RPS6KA1: variants seen among roughly 807,000 people sequenced by gnomAD.
RPS6KA1 encodes the protein ribosomal protein S6 kinase alpha-1.
Under a neutral mutation model 91.3 loss-of-function variants are expected in RPS6KA1, and 48 were observed. That is an observed-to-expected ratio of 0.53 (90% confidence interval 0.42 to 0.67). The LOEUF is 0.67. RPS6KA1 is among the 30% of genes least tolerant of loss of function. The pLI is 0.00. For synonymous variants in RPS6KA1, 359 were observed against 384.7 expected, an observed-to-expected ratio of 0.93 and a Z score of 0.78; for missense variants, 719 against 960.5, an observed-to-expected ratio of 0.75 and a Z score of 3.32.
Position 26,546,848 on chromosome 1 carries a change from A to C in RPS6KA1, c.109-19A>C, listed in dbSNP as rs747274596. On this transcript the variant is annotated intron_variant, in intron 2 of 21. Transcript: ENST00000374168. ...CTGGATGGGGCCCACCATGCCCACC[A>C]GCTCTGTCCCTCCATCAGGATGAGG... 1.0e-5 allele frequency: 16 copies of C among 1,604,800 alleles called. No individual in the cohort carries two copies. Among genetic ancestry groups the C allele is most frequent in the Non-Finnish European group, 3.4e-6 (4 of 1,171,944 alleles).
Position 26,538,884 on chromosome 1 carries a change from G to C in RPS6KA1, c.108+1915G>C, listed in dbSNP as rs554785615. On this transcript the variant is annotated intron_variant, in intron 2 of 21. Coordinates refer to ENST00000374168, the MANE Select transcript of RPS6KA1 (RefSeq NM_002953.4). The stretch of plus-strand genomic sequence containing the variant: ...ACTTCTGGGCTTAATACACCAGGGG[G>C]CGCTCAACCTGTGGTCCGGACCTCA... 3.5e-4 allele frequency among the ~76,000 whole-genome samples: 53 copies of C among 152,296 alleles called. 1 individual carries two copies. In the South Asian group the frequency reaches 7.5e-3, roughly 21 times the overall value.
At position 26,551,408 on chromosome 1, in the gene RPS6KA1, G is replaced by A. The variant is rs752945119; in HGVS notation, c.319G>A (p.Val107Ile). 3.3e-5 allele frequency: 53 copies of A among 1,614,000 alleles called. No individual in the cohort carries two copies. Among genetic ancestry groups the A allele is most frequent in the South Asian group, 5.5e-5 (5 of 91,090 alleles). ...KKATLKVRDR[V>I]RTKMERDILA... ...TCTCGTCTGGCCAGTACGTGACCGC[G>A]TCCGGACCAAGATGGAGAGAGACAT... The change falls in exon 5 of 22, where the codon GTC becomes ATC. Residue 107 changes from valine to isoleucine, a missense_variant. Coordinates refer to ENST00000374168, the MANE Select transcript of RPS6KA1 (RefSeq NM_002953.4). The surrounding 1 kb of genome is among the most constrained non-coding windows in gnomAD (Gnocchi z 4.5).
intron 1 of RPS6KA1, 65 bp downstream of exon 1, chr1:26,530,048 G>A (rs1296325632): frequency 1.6e-5 from 18 of 1,125,458 alleles, no homozygotes; most frequent in Non-Finnish European, 1.9e-5. Context: ...CAGGGGCGGG[G>A]CGGCCCGAAG....
intron 1 of RPS6KA1, chr1:26,530,714 T>TC: frequency 7.9e-7 from 1 of 1,268,032 alleles, no homozygotes; most frequent in Non-Finnish European, 1.0e-6. Flanking sequence ...CAGCCCAGAC[T>TC]CCCCAGACAA....
Position 26,554,476 on chromosome 1 carries a change from C to T in RPS6KA1, c.614-120C>T, listed in dbSNP as rs2076080975. 2.2e-6 allele frequency: 3 copies of T among 1,359,388 alleles called. No homozygotes were observed. The highest frequency in any genetic ancestry group is 2.9e-5 in the African/African-American group (2 of 68,968). The allele number at this position is 1,359,388 out of a possible 1,614,324, so 84.2% of individuals were successfully genotyped here. A position where few individuals can be genotyped will look rare whatever the true frequency, so the allele number is the denominator to read the frequency against. On this transcript the variant is annotated intron_variant, in intron 8 of 21. Transcript: ENST00000374168. This position sits in a 1 kb window ranked among gnomAD's most constrained non-coding sequence, Gnocchi z 4.6. ...CCTGACCTCTCTGGGCCTTAGCTTC[C>T]TCCTGAGTGTCATGGGGGTGATGCC...
rs778804347 is a variant in RPS6KA1 at position 26,571,655 on chromosome 1, G to T, written c.1752+45G>T. On this transcript the variant is annotated intron_variant, in intron 18 of 21. Coordinates refer to ENST00000374168, the MANE Select transcript of RPS6KA1 (RefSeq NM_002953.4). This position sits in a 1 kb window ranked among gnomAD's most constrained non-coding sequence, Gnocchi z 5.1. ...CAGCTGTAAGAGTGAGGGGGAATTG[G>T]AGGCCTTGTGCCCCCTCCCAGAGGC... 1 of 1,599,200 alleles carries T rather than the reference G, an allele frequency of 6.3e-7. No homozygotes were observed. The highest frequency in any genetic ancestry group is 8.5e-7 in the Non-Finnish European group (1 of 1,171,390).
intron 2 of RPS6KA1, among the ~76,000 whole-genome samples, chr1:26,542,514 G>T (rs532284282): frequency 7.9e-5 from 12 of 152,316 alleles, no homozygotes; most frequent in Non-Finnish European, 1.6e-4. Flanking sequence ...ATGAGGCCAC[G>T]TAGAAAGGGG....
In RPS6KA1 at chr1:26,561,033, C is replaced by T. The variant is rs1316195771; in HGVS notation, c.1342-12C>T. The T allele has an allele frequency of 6.2e-7, 1 of 1,612,920 alleles. No homozygotes were observed. Among genetic ancestry groups the T allele is most frequent in the Non-Finnish European group, 8.5e-7 (1 of 1,179,418 alleles). ...TCACCCTGACACTGCCACATGCACC[C>T]CCTTTCTTCAGGTCATTGATAAGAG... On this transcript the variant is annotated splice_polypyrimidine_tract_variant and intron_variant, in intron 15 of 21. Transcript: ENST00000374168. This position sits in a 1 kb window ranked among gnomAD's most constrained non-coding sequence, Gnocchi z 5.7.
intron 2 of RPS6KA1, among the ~76,000 whole-genome samples, chr1:26,539,131 T>C (rs2075927911): frequency 6.6e-6 from 1 of 152,240 alleles, no homozygotes; most frequent in Non-Finnish European, 1.5e-5. Context: ...TGCTCTGTGC[T>C]AGGCCCATGT....
In RPS6KA1 at chr1:26,571,171, G is replaced by C. The variant is rs1232862142; in HGVS notation, c.1591-278G>C. On this transcript the variant is annotated intron_variant, in intron 17 of 21. Coordinates refer to ENST00000374168, the MANE Select transcript of RPS6KA1 (RefSeq NM_002953.4). The surrounding 1 kb of genome is among the most constrained non-coding windows in gnomAD (Gnocchi z 5.1). Reference sequence around the variant, plus strand: ...TGACCTAAGTAACAGGAAGGATGGAGTTGCCACAAGGTAAGATTATGTGAT... The same window carrying C: ...TGACCTAAGTAACAGGAAGGATGGACTTGCCACAAGGTAAGATTATGTGAT... 1.3e-5 allele frequency: 5 copies of C among 384,280 alleles called. No individual in the cohort carries two copies. Among genetic ancestry groups the C allele is most frequent in the African/African-American group, 1.0e-4 (5 of 48,298 alleles). 23.8% of individuals were successfully genotyped at this position (384,280 alleles called of 1,614,324 possible).
At position 26,554,140 on chromosome 1, in the gene RPS6KA1, C is replaced by T; in HGVS notation, c.576-74C>T. ...ACCTCCTCTGGGCTGAACCCAACTC[C>T]CACAGCCCTGTGGTAACACCATCAC... is the stretch of plus-strand genomic sequence containing the variant. On this transcript the variant is annotated intron_variant, in intron 7 of 21. Coordinates refer to ENST00000374168, the MANE Select transcript of RPS6KA1 (RefSeq NM_002953.4). The surrounding 1 kb of genome is among the most constrained non-coding windows in gnomAD (Gnocchi z 4.6). The T allele has an allele frequency of 6.7e-7, 1 of 1,493,098 alleles. No individual in the cohort carries two copies. The highest frequency in any genetic ancestry group is 1.3e-5 in the South Asian group (1 of 79,984). The allele number at this position is 1,493,098 out of a possible 1,614,324, so 92.5% of individuals were successfully genotyped here.
chr1:26,573,003 T>G (rs955861555), intron 20 of RPS6KA1, among the ~76,000 whole-genome samples: 1 of 152,104 alleles, frequency 6.6e-6, no homozygotes, highest in Admixed American at 6.6e-5. Context: ...AAAGGAGAAA[T>G]GGAAGGGTGT....
At position 26,552,786 on chromosome 1, in the gene RPS6KA1, C is replaced by T. The variant is rs374095914; in HGVS notation, c.469-605C>T. ...GATTATAGGTGTGAGCCACCGTGCCCGGCTTAAATTGTGATTTTAATGTTT... is the reference window on the plus strand; with the variant it reads ...GATTATAGGTGTGAGCCACCGTGCCTGGCTTAAATTGTGATTTTAATGTTT... On this transcript the variant is annotated intron_variant, in intron 6 of 21. Coordinates refer to ENST00000374168, the MANE Select transcript of RPS6KA1 (RefSeq NM_002953.4). 6.7e-5 allele frequency: 23 copies of T among 345,594 alleles called. 1 individual carries two copies. In the East Asian group the frequency reaches 8.0e-4, roughly 12 times the overall value. The allele number at this position is 345,594 out of a possible 1,614,324, so 21.4% of individuals were successfully genotyped here.
Position 26,540,396 on chromosome 1 carries a change from C to T in RPS6KA1, c.108+3427C>T, listed in dbSNP as rs1202475844. The stretch of plus-strand genomic sequence containing the variant: ...GCCCCTTGGTCACACAGGTCTTTCT[C>T]TACCTGGAGTGTCTTTTTTTCCTCC... On this transcript the variant is annotated intron_variant, in intron 2 of 21. Transcript: ENST00000374168. The surrounding 1 kb of genome is among the most constrained non-coding windows in gnomAD (Gnocchi z 4.2). Among the ~76,000 whole-genome samples the T allele has an allele frequency of 6.6e-6, 1 of 152,168 alleles. No individual in the cohort carries two copies. The highest frequency in any genetic ancestry group is 1.5e-5 in the Non-Finnish European group (1 of 68,018).
rs1227218557 is a variant in RPS6KA1, at chr1:26,554,492, G to A, written c.614-104G>A. 1.4e-6 allele frequency: 2 copies of A among 1,438,140 alleles called. No individual in the cohort carries two copies. Among genetic ancestry groups the A allele is most frequent in the South Asian group, 2.6e-5 (2 of 75,586 alleles). The allele number at this position is 1,438,140 out of a possible 1,614,324, so 89.1% of individuals were successfully genotyped here. A position where few individuals can be genotyped will look rare whatever the true frequency, so the allele number is the denominator to read the frequency against. ...CTTAGCTTCCTCCTGAGTGTCATGG[G>A]GGTGATGCCTTCTGGCCTCTGGGCA... On this transcript the variant is annotated intron_variant, in intron 8 of 21. Transcript: ENST00000374168. The surrounding 1 kb of genome is among the most constrained non-coding windows in gnomAD (Gnocchi z 4.6).
chr1:26,555,716 G>A lies in RPS6KA1; in HGVS notation c.916+91G>A. The A allele has an allele frequency of 7.9e-7, 1 of 1,266,530 alleles. No individual in the cohort carries two copies. Among genetic ancestry groups the A allele is most frequent in the Non-Finnish European group, 1.1e-6 (1 of 889,472 alleles). The allele number at this position is 1,266,530 out of a possible 1,614,324, so 78.5% of individuals were successfully genotyped here. The stretch of plus-strand genomic sequence containing the variant: ...CCACAGGGCCACATCTGGGCTGAAA[G>A]GGGCCGTTGTCCTTTGTGTGGGCAG... On this transcript the variant is annotated intron_variant, in intron 11 of 21. Transcript: ENST00000374168. This position sits in a 1 kb window ranked among gnomAD's most constrained non-coding sequence, Gnocchi z 4.3.
intron 1 of RPS6KA1, among the ~76,000 whole-genome samples, chr1:26,535,812 A>G (rs998974622): frequency 6.6e-6 from 1 of 152,098 alleles, no homozygotes; most frequent in Admixed American, 6.5e-5. Context: ...CTTCTCTGCC[A>G]CATGGGGCCA....
intron 1 of RPS6KA1, among the ~76,000 whole-genome samples, chr1:26,532,528 G>A (rs1005402500): frequency 3.3e-5 from 5 of 152,122 alleles, no homozygotes; most frequent in South Asian, 2.1e-4. Context: ...GGATGTTGGC[G>A]GACTCTCCTT....
chr1:26,558,897 A>G lies in RPS6KA1; in HGVS notation c.1175A>G (p.Lys392Arg). 3 of 1,613,626 alleles carry G rather than the reference A, an allele frequency of 1.9e-6. No homozygotes were observed. The highest frequency in any genetic ancestry group is 2.5e-6 in the Non-Finnish European group (3 of 1,179,664). Residue 392 changes from lysine to arginine, a missense_variant, in exon 14 of 22, where the codon AAG becomes AGG. Transcript: ENST00000374168. This position sits in a 1 kb window ranked among gnomAD's most constrained non-coding sequence, Gnocchi z 4.0. ...VATGLMEDDGKPRAPQAPLHS... is the reference protein window; with the variant it reads ...VATGLMEDDGRPRAPQAPLHS... ...ACCGGCCTGATGGAAGACGACGGCA[A>G]GCCTCGTGCCCCGCAGGCACCCCTG...
Sources: allele counts gnomAD v4.1 joint callset (sites outside exome capture counted in the v4.1 genomes callset), GRCh38; gene constraint gnomAD v4.1.1; non-coding constraint Gnocchi (gnomAD v3.1); transcripts MANE v1.5; gene names NCBI Gene and HGNC (gene_info 2026-07-23, HGNC 2026-07-21).